Variants in SNTB2 observed in about 807,000 individuals in gnomAD.
The protein encoded by SNTB2 is beta-2-syntrophin.
A neutral mutation model predicts 46.2 loss-of-function variants in SNTB2; 34 were observed. The ratio of observed to expected loss-of-function variants is 0.74; its 90% CI spans 0.56 to 0.98. SNTB2 has a LOEUF of 0.98. Among genes scored for constraint, SNTB2 ranks in the 50% least tolerant of loss-of-function variants. The probability of loss-of-function intolerance (pLI) is 0.00; values close to 1 mark genes in which losing one functional copy is unlikely to be tolerated. For missense variants in SNTB2, 603 were observed against 731.4 expected, an observed-to-expected ratio of 0.82 and a Z score of 2.02; for synonymous variants, 290 against 312.6, an observed-to-expected ratio of 0.93 and a Z score of 0.76.
chr16:69,292,809 TTCCTCCTAGCTTTATTAAATTACTATCGG>T (rs1361221731), intron 5 of SNTB2, among the ~76,000 whole-genome samples: 1 of 151,958 alleles, frequency 6.6e-6, no homozygotes, highest in Non-Finnish European at 1.5e-5. Context: ...TGAGCAAGTT[TTCCTCCTAGCTTTATTAAATTACTATCGG>T]GGAGCTTCTT....
chr16:69,197,948 C>T (rs1964120212), intron 1 of SNTB2, among the ~76,000 whole-genome samples: 1 of 151,910 alleles, frequency 6.6e-6, no homozygotes, highest in Non-Finnish European at 1.5e-5. Flanking sequence ...ACAATGAACA[C>T]AAAGTAATTG....
chr16:69,237,050 G>T (rs1027246305), intron 1 of SNTB2, among the ~76,000 whole-genome samples: 3 of 152,210 alleles, frequency 2.0e-5, no homozygotes, highest in Non-Finnish European at 4.4e-5. Flanking sequence ...ATGAAGATTA[G>T]TTCTTGTTTG....
intron 1 of SNTB2, among the ~76,000 whole-genome samples, chr16:69,226,330 C>G (rs780322226): frequency 4.2e-4 from 64 of 152,000 alleles, no homozygotes; most frequent in Non-Finnish European, 7.4e-4. Context: ...CTCGGCCTCC[C>G]CAAGTGCTGG....
intron 2 of SNTB2, among the ~76,000 whole-genome samples, chr16:69,253,344 C>A (rs532643424): frequency 6.6e-6 from 1 of 151,992 alleles, no homozygotes; most frequent in Non-Finnish European, 1.5e-5. Flanking sequence ...CAAAATTTTT[C>A]TTTTCATAAA....
intron 1 of SNTB2, among the ~76,000 whole-genome samples, chr16:69,212,890 C>T (rs1367506795): frequency 6.6e-6 from 1 of 152,180 alleles, no homozygotes; most frequent in Non-Finnish European, 1.5e-5. Flanking sequence ...GCCTCGGCCT[C>T]CCAAAGTGCT....
At chr16:69,268,015 C>A (rs551017942) in intron 3 of SNTB2, among the ~76,000 whole-genome samples, 1 of 152,262 alleles carries the variant, frequency 6.6e-6, no homozygotes, top group South Asian at 2.1e-4. Flanking sequence ...GATGACAGGG[C>A]TTTTCTTGAA....
chr16:69,269,916 A>G (rs76985517), intron 3 of SNTB2, among the ~76,000 whole-genome samples: 116 of 152,320 alleles, frequency 7.6e-4, no homozygotes, highest in African/African-American at 2.5e-3. Context: ...GGGAAAAACT[A>G]TGTTGTATCA....
At chr16:69,299,912 T>G in intron 6 of SNTB2, 138 bp downstream of exon 6, 1 of 850,814 alleles carries the variant, frequency 1.2e-6, no homozygotes, top group East Asian at 2.7e-5. Context: ...AAAATTTTTT[T>G]AAAGATGGGG....
intron 5 of SNTB2, among the ~76,000 whole-genome samples, chr16:69,287,868 A>G (rs780376058): frequency 6.6e-5 from 10 of 151,520 alleles, no homozygotes; most frequent in Non-Finnish European, 1.5e-4. Context: ...CAAAAAATAT[A>G]TATATATATA....
intron 5 of SNTB2, among the ~76,000 whole-genome samples, chr16:69,296,046 G>A (rs1259326338): frequency 2.6e-5 from 4 of 152,100 alleles, no homozygotes; most frequent in Non-Finnish European, 4.4e-5. Context: ...TTAGGAGGCC[G>A]AGGCGGGTGG....
rs550661364 is a variant in SNTB2 at position 69,284,496 on chromosome 16, G to T, written c.1345+252G>T. ...AAAAAAAAAAAAAAAAAAAAAATCC[G>T]TGCACAGTGGCTGATGCCTGTAATC... On this transcript the variant is annotated intron_variant, in intron 5 of 6. Transcript: ENST00000336278. Among the ~76,000 whole-genome samples, 8 of 112,678 alleles carry T rather than the reference G, an allele frequency of 7.1e-5. No homozygotes were observed. The East Asian group carries it at 1.8e-3, about 26-fold the overall frequency. The allele number at this position is 112,678 out of a possible 152,430, so 73.9% of individuals were successfully genotyped here.
intron 5 of SNTB2, among the ~76,000 whole-genome samples, chr16:69,295,539 C>T (rs1019027279): frequency 2.6e-5 from 4 of 152,040 alleles, no homozygotes; most frequent in Non-Finnish European, 4.4e-5. Flanking sequence ...TGAGCCACCG[C>T]GCCCAGCCAA....
At chr16:69,204,150 C>T (rs1230125429) in intron 1 of SNTB2, among the ~76,000 whole-genome samples, 1 of 138,252 alleles carries the variant, frequency 7.2e-6, no homozygotes, top group Admixed American at 7.0e-5. Flanking sequence ...GCCTCAGTTT[C>T]CCAAATGCTG....
At chr16:69,282,987 A>C in intron 4 of SNTB2, among the ~76,000 whole-genome samples, 1 of 152,182 alleles carries the variant, frequency 6.6e-6, no homozygotes, top group Non-Finnish European at 1.5e-5. Context: ...CTCTGTTGCC[A>C]AAGCTGGAAT....
chr16:69,284,792 A>C (rs996940636), intron 5 of SNTB2, among the ~76,000 whole-genome samples: 1 of 152,096 alleles, frequency 6.6e-6, no homozygotes, highest in Admixed American at 6.6e-5. Flanking sequence ...ACAAACAAAC[A>C]AAAACAAACC....
chr16:69,198,231 C>T (rs770700712), intron 1 of SNTB2, among the ~76,000 whole-genome samples: 16 of 151,798 alleles, frequency 1.1e-4, no homozygotes, highest in Non-Finnish European at 1.8e-4. Context: ...GCCTCAGCCT[C>T]CTGAGTAGCT....
intron 3 of SNTB2, among the ~76,000 whole-genome samples, chr16:69,261,865 C>G (rs1964837985): frequency 6.6e-6 from 1 of 152,150 alleles, no homozygotes; most frequent in African/African-American, 2.4e-5. Flanking sequence ...AAGGTAACAA[C>G]TCTTATTCCT....
At chr16:69,269,431 T>C (rs12922642) in intron 3 of SNTB2, among the ~76,000 whole-genome samples, 50,970 of 151,628 alleles carry the variant, frequency 0.34, 9,172 homozygotes, top group African/African-American at 0.46. Flanking sequence ...GCAGGAGAAT[T>C]GCTTGAAACC....
At chr16:69,241,226 G>A (rs1325318901) in intron 1 of SNTB2, among the ~76,000 whole-genome samples, 1 of 132,260 alleles carries the variant, frequency 7.6e-6, no homozygotes, top group Non-Finnish European at 1.6e-5. Flanking sequence ...GCCCAGGCTG[G>A]AGTGCAGTGG....
Sources: gnomAD v4.1 joint callset for allele counts (sites outside exome capture counted in the v4.1 genomes callset) on GRCh38, gnomAD v4.1.1 for gene constraint, MANE v1.5 for transcripts, NCBI Gene and HGNC (gene_info 2026-07-23, HGNC 2026-07-21) for gene names.